The following ENTHD1 variants were observed in gnomAD, a reference collection of about 807,000 sequenced individuals.
ENTHD1 encodes ENTH domain containing 1, also known as ENTH domain-containing protein 1.
Under a neutral mutation model 39.1 loss-of-function variants are expected in ENTHD1, and 23 were observed. The ratio of observed to expected loss-of-function variants is 0.59; its 90% confidence interval spans 0.42 to 0.83. The LOEUF (loss-of-function observed/expected upper bound fraction) is 0.83. Among genes scored for constraint, ENTHD1 ranks in the 40% least tolerant of loss-of-function variants. The pLI, the probability that ENTHD1 is intolerant of heterozygous loss-of-function variation, is 0.00. For synonymous variants in ENTHD1, 230 were observed against 258.2 expected (o/e 0.89, Z 1.05); for missense variants, 624 against 705.4 (o/e 0.88, Z 1.31).
At position 39,867,788 on chromosome 22, in the gene ENTHD1, C is replaced by T. The variant is rs1374582092; in HGVS notation, c.350-5781G>A. 2.6e-5 allele frequency among the ~76,000 whole-genome samples: 4 copies of T among 151,732 alleles called. No homozygotes were observed. The highest frequency in any genetic ancestry group is 9.7e-5 in the African/African-American group (4 of 41,306). On this transcript the variant is annotated intron_variant, in intron 2 of 6. Coordinates refer to ENST00000325157, the MANE Select transcript of ENTHD1 (RefSeq NM_152512.4). The surrounding 1 kb of genome is among the most constrained non-coding windows in gnomAD (Gnocchi z 4.5). ...AGCCTGGGCGATGAGAGCACAACTC[C>T]GTCTCAAAAAAAAAATCCCTCCAGT...
intron 5 of ENTHD1, among the ~76,000 whole-genome samples, chr22:39,789,973 C>A (rs910137583): frequency 6.6e-6 from 1 of 151,918 alleles, no homozygotes; most frequent in Non-Finnish European, 1.5e-5. Context: ...CAGTGGAGGG[C>A]AGAGTGTTCT....
At chr22:39,832,670 T>G (rs1180780429) in intron 4 of ENTHD1, among the ~76,000 whole-genome samples, 1 of 152,188 alleles carries the variant, frequency 6.6e-6, no homozygotes, top group Non-Finnish European at 1.5e-5. Context: ...GTCCTGCTTC[T>G]GGTTCTGGTG....
At chr22:39,765,104 T>G in intron 6 of ENTHD1, 119 bp downstream of exon 6, 3 of 1,402,012 alleles carry the variant, frequency 2.1e-6, no homozygotes, top group Admixed American at 2.9e-5. Flanking sequence ...TGATGAAGAG[T>G]GAAAGGAGGG....
intron 5 of ENTHD1, among the ~76,000 whole-genome samples, chr22:39,802,556 C>T (rs894564604): frequency 7.2e-5 from 11 of 152,170 alleles, no homozygotes; most frequent in South Asian, 4.1e-4. Context: ...CTGGCTCCTA[C>T]GCAGAAAGGC....
At chr22:39,856,852 CA>C (rs34627331) in intron 3 of ENTHD1, among the ~76,000 whole-genome samples, 8,697 of 70,290 alleles carry the variant, frequency 0.12, 431 homozygotes, top group Middle Eastern at 0.24. Flanking sequence ...GACCCTGTCT[CA>C]AAAAAAAAAA....
chr22:39,874,630 A>G (rs1183358529), intron 2 of ENTHD1: 1 of 151,920 alleles, frequency 6.6e-6, no homozygotes, highest in Non-Finnish European at 1.5e-5. Flanking sequence ...CTATCTGACA[A>G]AGAACTCATA....
chr22:39,886,884 C>T (rs1486403198), intron 2 of ENTHD1, among the ~76,000 whole-genome samples: 1 of 152,156 alleles, frequency 6.6e-6, no homozygotes, highest in Non-Finnish European at 1.5e-5. Context: ...TAATTTATGA[C>T]TAAATTCCAG....
intron 3 of ENTHD1, among the ~76,000 whole-genome samples, chr22:39,856,852 CAAAAA>C (rs34627331): frequency 4.3e-5 from 3 of 70,342 alleles, no homozygotes; most frequent in African/African-American, 5.6e-5. Context: ...GACCCTGTCT[CAAAAA>C]AAAAAAAAAA....
At chr22:39,761,327 T>C (rs998499650) in intron 6 of ENTHD1, among the ~76,000 whole-genome samples, 1 of 152,232 alleles carries the variant, frequency 6.6e-6, no homozygotes, top group African/African-American at 2.4e-5. Context: ...GTCCTCTGCA[T>C]GTAATATGAT....
chr22:39,893,661 A>T (rs1216133524), intron 1 of ENTHD1, 34 bp downstream of exon 1: 1 of 152,202 alleles, frequency 6.6e-6, no homozygotes, highest in African/African-American at 2.4e-5. Flanking sequence ...ACCCGCCTTG[A>T]GCCCCACCAC....
chr22:39,809,115 T>C (rs2065666006), intron 5 of ENTHD1, among the ~76,000 whole-genome samples: 2 of 152,210 alleles, frequency 1.3e-5, no homozygotes, highest in Non-Finnish European at 2.9e-5. Flanking sequence ...AGGCAGCAAC[T>C]TTCCCCAAAA....
At chr22:39,793,647 T>A (rs904540913) in intron 5 of ENTHD1, among the ~76,000 whole-genome samples, 3 of 151,510 alleles carry the variant, frequency 2.0e-5, no homozygotes, top group African/African-American at 7.2e-5. Flanking sequence ...AGCTCTTTAA[T>A]CCGGGGTCTA....
At chr22:39,839,758 A>G (rs910947194) in intron 3 of ENTHD1, among the ~76,000 whole-genome samples, 1 of 152,224 alleles carries the variant, frequency 6.6e-6, no homozygotes, top group Non-Finnish European at 1.5e-5. Context: ...CTTGGAAATC[A>G]TATGGTCTTA....
rs189310687 is a variant in ENTHD1 at position 39,867,893 on chromosome 22, T to C, written c.350-5886A>G. On this transcript the variant is annotated intron_variant, in intron 2 of 6. Transcript: ENST00000325157. The surrounding 1 kb of genome is among the most constrained non-coding windows in gnomAD (Gnocchi z 4.5). ...ACACAGCAATAATAGACACTGCCAG[T>C]CTCAAAAACAAGATAAAAACCCCCA... Among the ~76,000 whole-genome samples the C allele has an allele frequency of 3.3e-5, 5 of 151,974 alleles. No individual in the cohort carries two copies. In the East Asian group the frequency reaches 9.7e-4, roughly 29 times the overall value.
chr22:39,798,687 C>T (rs116385742), intron 5 of ENTHD1, among the ~76,000 whole-genome samples: 165 of 152,216 alleles, frequency 1.1e-3, no homozygotes, highest in African/African-American at 3.8e-3. Flanking sequence ...CAGACACTAA[C>T]GGAAGCAGGT....
At chr22:39,872,611 T>C (rs991943674) in intron 2 of ENTHD1, among the ~76,000 whole-genome samples, 10 of 152,204 alleles carry the variant, frequency 6.6e-5, no homozygotes, top group African/African-American at 2.4e-4. Flanking sequence ...AAGGCTTAGT[T>C]CTTAGTCTAA....
intron 4 of ENTHD1, among the ~76,000 whole-genome samples, chr22:39,826,865 G>C (rs1311176752): frequency 6.7e-6 from 1 of 149,786 alleles, no homozygotes; most frequent in Non-Finnish European, 1.5e-5. Flanking sequence ...AAAAAAAAAA[G>C]ATCAGAGTGA....
rs2066170567 is a variant in ENTHD1, at chr22:39,864,731, CA to C, written c.350-2725del. On this transcript the variant is annotated intron_variant, in intron 2 of 6. Coordinates refer to ENST00000325157, the MANE Select transcript of ENTHD1 (RefSeq NM_152512.4). ...ACATGGTGAAACCCTGTCTCTACTA[CA>C]AACACAAAAGTTAGCTGGGCACGGT... Among the ~76,000 whole-genome samples the C allele has an allele frequency of 5.9e-5, 9 of 152,002 alleles. No homozygotes were observed. In the South Asian group the frequency reaches 1.9e-3, roughly 32 times the overall value.
intron 3 of ENTHD1, among the ~76,000 whole-genome samples, chr22:39,843,818 G>T (rs1271625541): frequency 6.6e-6 from 1 of 152,126 alleles, no homozygotes; most frequent in African/African-American, 2.4e-5. Flanking sequence ...GAACGAAGAG[G>T]CTGTCTTCAG....
Sources: allele counts gnomAD v4.1 joint callset (sites outside exome capture counted in the v4.1 genomes callset), GRCh38; gene constraint gnomAD v4.1.1; non-coding constraint Gnocchi (gnomAD v3.1); transcripts MANE v1.5; gene names NCBI Gene and HGNC (gene_info 2026-07-23, HGNC 2026-07-21).